The following NPEPPS variants were observed in gnomAD, a reference collection of about 807,000 sequenced individuals.
NPEPPS encodes aminopeptidase puromycin sensitive.
In NPEPPS, 14 loss-of-function variants were observed where a neutral mutation model predicts 115.5. The ratio of observed to expected loss-of-function variants is 0.12; its 90% CI spans 0.08 to 0.19. The LOEUF is 0.19. Among genes scored for constraint, NPEPPS ranks in the 10% least tolerant of loss-of-function variants. NPEPPS has a pLI of 1.00. For synonymous variants in NPEPPS, 285 were observed against 390.6 expected (o/e 0.73, Z 3.19); for missense variants, 523 against 1,110.8 (o/e 0.47, Z 7.52).
At chr17:47,566,658 C>T (rs1209834885) in intron 2 of NPEPPS, among the ~76,000 whole-genome samples, 1 of 151,256 alleles carries the variant, frequency 6.6e-6, no homozygotes, top group Non-Finnish European at 1.5e-5. Context: ...CACCACCACG[C>T]ATGATCCACC....
chr17:47,601,801 C>A, intron 15 of NPEPPS, 54 bp downstream of exon 15: 2 of 1,540,816 alleles, frequency 1.3e-6, no homozygotes, highest in East Asian at 2.3e-5. Flanking sequence ...ATTTTATGGC[C>A]GGTTTTAAAT....
upstream of NPEPPS, among the ~76,000 whole-genome samples, chr17:47,530,784 C>G (rs1309247138): frequency 6.6e-6 from 1 of 152,144 alleles, no homozygotes; most frequent in African/African-American, 2.4e-5. Context: ...TGGGGTTTTG[C>G]TTGTAACTGG....
intron 1 of NPEPPS, among the ~76,000 whole-genome samples, chr17:47,541,940 A>G (rs1908797329): frequency 6.6e-6 from 1 of 152,226 alleles, no homozygotes; most frequent in South Asian, 2.1e-4. Flanking sequence ...AGAGATTTTG[A>G]ATAGCTCATT....
At chr17:47,578,216 AAGAG>A (rs71365076) in intron 3 of NPEPPS, among the ~76,000 whole-genome samples, 56,082 of 146,846 alleles carry the variant, frequency 0.38, 11,184 homozygotes, top group East Asian at 0.53. Context: ...AAAAAAAAAA[AAGAG>A]AGAAAGTCAC....
At chr17:47,616,131 A>G (rs7222225) in intron 19 of NPEPPS, among the ~76,000 whole-genome samples, 57,048 of 151,960 alleles carry the variant, frequency 0.38, 11,500 homozygotes, top group South Asian at 0.46. Flanking sequence ...CACCCATCTC[A>G]TTTTACACAT....
At position 47,531,401 on chromosome 17, in the gene NPEPPS, G is replaced by C. The variant is rs1428155053; in HGVS notation, c.101G>C (p.Arg34Pro). ...CTTCTCGTCTTCAGCCGCTCCTCTC[G>C]CCGCCGCCTCCACAGCCTGGGCCTC... is the stretch of plus-strand genomic sequence containing the variant. Reference protein sequence around the residue: ...LLLLVFSRSSRRRLHSLGLAA... With the variant: ...LLLLVFSRSSPRRLHSLGLAA... The change falls in exon 1 of 23, where the codon CGC becomes CCC. Residue 34 changes from arginine to proline, a missense_variant. Physicochemically the swap from Arg to Pro is moderately radical, Grantham distance 103 (BLOSUM62 -2). This residue lies in a region of NPEPPS where 144 missense variants were observed against 512.4 expected (regional missense o/e 0.28). Transcript: ENST00000322157. 1.3e-6 allele frequency: 2 copies of C among 1,545,510 alleles called. No homozygotes were observed. The highest frequency in any genetic ancestry group is 2.8e-5 in the African/African-American group (2 of 72,454).
At chr17:47,556,529 A>C (rs1318515309) in intron 2 of NPEPPS, among the ~76,000 whole-genome samples, 1 of 151,996 alleles carries the variant, frequency 6.6e-6, no homozygotes, top group Admixed American at 6.6e-5. Flanking sequence ...TTTTCCCCAC[A>C]TTTCCCCCTT....
At chr17:47,592,975 A>G (rs574070294) in intron 12 of NPEPPS, among the ~76,000 whole-genome samples, 26 of 152,264 alleles carry the variant, frequency 1.7e-4, no homozygotes, top group African/African-American at 5.5e-4. Context: ...TCATTGTTCA[A>G]TTCCCACCCA....
chr17:47,617,511 A>ATATTT (rs1555613524), intron 19 of NPEPPS, among the ~76,000 whole-genome samples: 1 of 151,350 alleles, frequency 6.6e-6, no homozygotes, highest in Non-Finnish European at 1.5e-5. Context: ...ATATATATAT[A>ATATTT]TTTTTTAGGA....
At chr17:47,605,248 A>G (rs1913444599) in intron 16 of NPEPPS, 85 bp from the exon 17 acceptor site, 1 of 872,378 alleles carries the variant, frequency 1.1e-6, no homozygotes, top group Admixed American at 2.7e-5. Context: ...AGAAATTGCT[A>G]GCAGTAGATA....
Position 47,542,478 on chromosome 17 carries a change from G to A in NPEPPS, c.256-3431G>A, listed in dbSNP as rs1398752835. ...GGAAAATCGCTTGAACCTGGGAGGC[G>A]GAGGTTGCGGTGAGCCGAGATCACG... On this transcript the variant is annotated intron_variant, in intron 1 of 22. Coordinates refer to ENST00000322157, the MANE Select transcript of NPEPPS (RefSeq NM_006310.4). Among the ~76,000 whole-genome samples, 19 of 151,558 alleles carry A rather than the reference G, an allele frequency of 1.3e-4. No homozygotes were observed. In the South Asian group the frequency reaches 1.5e-3, roughly 12 times the overall value.
chr17:47,594,135 A>T (rs534064777), intron 12 of NPEPPS, among the ~76,000 whole-genome samples: 2 of 152,316 alleles, frequency 1.3e-5, no homozygotes, highest in African/African-American at 4.8e-5. Flanking sequence ...AGCCTGGGCA[A>T]CAGCGAAACG....
intron 19 of NPEPPS, among the ~76,000 whole-genome samples, chr17:47,614,001 G>A (rs1238695553): frequency 3.4e-5 from 5 of 149,056 alleles, no homozygotes; most frequent in Non-Finnish European, 7.4e-5. Flanking sequence ...TTTGAGACAA[G>A]GTCTCACTCT....
chr17:47,588,276 T>A (rs894128188), intron 9 of NPEPPS, among the ~76,000 whole-genome samples: 1 of 152,166 alleles, frequency 6.6e-6, no homozygotes, highest in African/African-American at 2.4e-5. Context: ...GAAATATAAT[T>A]TCAGGCCGGG....
intron 2 of NPEPPS, among the ~76,000 whole-genome samples, chr17:47,568,515 G>A (rs1188047659): frequency 6.6e-6 from 1 of 152,100 alleles, no homozygotes; most frequent in African/African-American, 2.4e-5. Flanking sequence ...GACATAGTTG[G>A]AAGTTGGTCT....
intron 10 of NPEPPS, 66 bp from the exon 11 acceptor site, chr17:47,591,890 T>A (rs1207558501): frequency 3.3e-6 from 2 of 612,822 alleles, no homozygotes; most frequent in African/African-American, 3.7e-5. Flanking sequence ...TAGAAAGCGT[T>A]TTATGTAATT....
intron 15 of NPEPPS, among the ~76,000 whole-genome samples, chr17:47,603,281 G>A (rs1016841075): frequency 3.9e-5 from 6 of 151,988 alleles, no homozygotes; most frequent in Non-Finnish European, 8.8e-5. Flanking sequence ...GTGTGGTGGC[G>A]GGTGCCTGTA....
rs1400215023 is a variant in NPEPPS at position 47,623,140 on chromosome 17, A to G, written c.*1220A>G. 2 of 256,046 alleles carry G rather than the reference A, an allele frequency of 7.8e-6. No individual in the cohort carries two copies. The highest frequency in any genetic ancestry group is 1.3e-4 in the East Asian group (1 of 7,776). The allele number at this position is 256,046 out of a possible 1,614,324, so 15.9% of individuals were successfully genotyped here. A position where few individuals can be genotyped will look rare whatever the true frequency, so the allele number is the denominator to read the frequency against. On this transcript the variant is annotated 3_prime_UTR_variant, in exon 23 of 23. Coordinates refer to ENST00000322157, the MANE Select transcript of NPEPPS (RefSeq NM_006310.4). ...TATTTTGTGTTATTAACAGAAATTC[A>G]TATTTGGTGTGGCTTAACGGTATTT...
rs541098052 is a variant in NPEPPS, at chr17:47,586,753, A to G, written c.980+355A>G. The G allele has an allele frequency of 4.7e-4, 222 of 471,478 alleles. No homozygotes were observed. The Middle Eastern group carries it at 8.2e-3, about 17-fold the overall frequency. The allele number at this position is 471,478 out of a possible 1,614,324, so 29.2% of individuals were successfully genotyped here. ...ACATGTCTGTCACCACAACATAAAC[A>G]TGTGAGTTGAATAACTTTTAAAAGC... On this transcript the variant is annotated intron_variant, in intron 8 of 22. Coordinates refer to ENST00000322157, the MANE Select transcript of NPEPPS (RefSeq NM_006310.4).
Sources: gnomAD v4.1 joint callset for allele counts (sites outside exome capture counted in the v4.1 genomes callset) on GRCh38, gnomAD v4.1.1 for gene constraint, gnomAD v4.1.1 regional missense constraint, MANE v1.5 for transcripts, NCBI Gene and HGNC (gene_info 2026-07-23, HGNC 2026-07-21) for gene names.